THRB: variants seen among roughly 807,000 people sequenced by gnomAD.
THRB encodes nuclear receptor subfamily 1 group A member 2.
Under a neutral mutation model 47.8 loss-of-function variants are expected in THRB, and 12 were observed. That is an observed-to-expected ratio of 0.25 (90% confidence interval 0.16 to 0.41). The LOEUF (loss-of-function observed/expected upper bound fraction) is 0.41. THRB is among the 10% of genes least tolerant of loss of function. The pLI, the probability that THRB is intolerant of heterozygous loss-of-function variation, is 1.00. For missense variants in THRB, 348 were observed against 589.2 expected (o/e 0.59, Z 4.24); for synonymous variants, 218 against 212.2 (o/e 1.03, Z -0.24).
At chr3:24,355,211 C>T (rs1227396821) in intron 1 of THRB, among the ~76,000 whole-genome samples, 2 of 152,204 alleles carry the variant, frequency 1.3e-5, no homozygotes, top group East Asian at 1.9e-4. Context: ...TCCAAAGGCA[C>T]ATCACCTGAA....
intron 1 of THRB, among the ~76,000 whole-genome samples, chr3:24,384,483 A>G (rs188741472): frequency 6.6e-6 from 1 of 152,284 alleles, no homozygotes; most frequent in East Asian, 1.9e-4. Flanking sequence ...TTGGGGGTGG[A>G]GCAATGGTGA....
At chr3:24,489,930 C>G (rs112576640) in intron 1 of THRB, among the ~76,000 whole-genome samples, 1 of 152,126 alleles carries the variant, frequency 6.6e-6, no homozygotes, top group Non-Finnish European at 1.5e-5. Flanking sequence ...TTCAACTCCC[C>G]TACTACTTGG....
At chr3:24,235,933 CTG>C (rs1027486273) in intron 3 of THRB, among the ~76,000 whole-genome samples, 11 of 152,108 alleles carry the variant, frequency 7.2e-5, no homozygotes, top group Admixed American at 5.2e-4. Context: ...CTGGGTATGA[CTG>C]GAGTTCATGG....
chr3:24,269,599 A>ATTTT (rs10575669), intron 3 of THRB, among the ~76,000 whole-genome samples: 1 of 134,286 alleles, frequency 7.4e-6, no homozygotes. Flanking sequence ...ATAATTTTTA[A>ATTTT]TTTTTTTTTT....
intron 5 of THRB, among the ~76,000 whole-genome samples, chr3:24,169,358 G>A (rs916591167): frequency 2.6e-5 from 4 of 152,116 alleles, no homozygotes; most frequent in Non-Finnish European, 5.9e-5. Flanking sequence ...TCCCTGCAAT[G>A]ACTGGAGCCC....
At chr3:24,342,807 T>G (rs1333046978) in intron 1 of THRB, among the ~76,000 whole-genome samples, 1 of 151,998 alleles carries the variant, frequency 6.6e-6, no homozygotes, top group South Asian at 2.1e-4. Flanking sequence ...AGGGCCCAAC[T>G]AGGTGGAAAT....
intron 1 of THRB, among the ~76,000 whole-genome samples, chr3:24,493,147 T>TG (rs1316958704): frequency 2.0e-5 from 3 of 152,224 alleles, no homozygotes; most frequent in Admixed American, 6.5e-5. Flanking sequence ...GAAAACATCC[T>TG]AAAAACATCA....
rs114849292 is a variant in THRB, at chr3:24,469,440, T to A, written c.-261+25212A>T. 4.3e-3 allele frequency among the ~76,000 whole-genome samples: 648 copies of A among 152,316 alleles called. 6 individuals are homozygous for A. The highest frequency in any genetic ancestry group is 0.015 in the African/African-American group (622 of 41,568). On this transcript the variant is annotated intron_variant, in intron 1 of 10. Coordinates refer to ENST00000646209, the MANE Select transcript of THRB (RefSeq NM_001354712.2). ...GCCTTTAGCATCACCATTAGCCCTA[T>A]CCCTGACTGTGCAACTCCCCAACAA... is the stretch of plus-strand genomic sequence containing the variant.
At chr3:24,422,919 G>A (rs1467120245) in intron 1 of THRB, among the ~76,000 whole-genome samples, 7 of 151,882 alleles carry the variant, frequency 4.6e-5, no homozygotes, top group African/African-American at 1.7e-4. Context: ...AGAATGTGGA[G>A]GAAGTGATGT....
chr3:24,223,674 T>G (rs2047373185), intron 4 of THRB, among the ~76,000 whole-genome samples: 1 of 152,070 alleles, frequency 6.6e-6, no homozygotes, highest in Non-Finnish European at 1.5e-5. Flanking sequence ...AAGTATAAAA[T>G]TATTTCAAAG....
rs941003961 is a variant in THRB, at chr3:24,380,790, G to C, written c.-260-43419C>G. Among the ~76,000 whole-genome samples, 6 of 152,008 alleles carry C rather than the reference G, an allele frequency of 3.9e-5. No homozygotes were observed. In the East Asian group the frequency reaches 9.6e-4, roughly 24 times the overall value. Reference sequence around the variant, plus strand: ...CAGATAAGAAGACTGAATCCAAAAGGCTAAAAGATATTGCCAAGGTCACAC... The same window carrying C: ...CAGATAAGAAGACTGAATCCAAAAGCCTAAAAGATATTGCCAAGGTCACAC... On this transcript the variant is annotated intron_variant, in intron 1 of 10. Coordinates refer to ENST00000646209, the MANE Select transcript of THRB (RefSeq NM_001354712.2).
intron 5 of THRB, among the ~76,000 whole-genome samples, chr3:24,161,793 A>G (rs1310076968): frequency 1.3e-5 from 2 of 151,954 alleles, no homozygotes; most frequent in Non-Finnish European, 2.9e-5. Context: ...AACATATACA[A>G]TCAGAACCAA....
At chr3:24,230,925 A>G (rs1226551360) in intron 3 of THRB, among the ~76,000 whole-genome samples, 2 of 152,206 alleles carry the variant, frequency 1.3e-5, no homozygotes, top group African/African-American at 2.4e-5. Context: ...CACTGAGACC[A>G]TATCTCTCAG....
intron 4 of THRB, among the ~76,000 whole-genome samples, chr3:24,208,332 G>C (rs1398844840): frequency 6.6e-6 from 1 of 152,110 alleles, no homozygotes; most frequent in Admixed American, 6.6e-5. Context: ...TTTCTTCACA[G>C]AATTGGAAAA....
chr3:24,403,008 G>C (rs780880433), intron 1 of THRB, among the ~76,000 whole-genome samples: 7 of 151,838 alleles, frequency 4.6e-5, no homozygotes, highest in Non-Finnish European at 1.0e-4. Context: ...CTAAATATTC[G>C]TTAATCCAGG....
chr3:24,402,864 AG>A (rs1466212314), intron 1 of THRB, among the ~76,000 whole-genome samples: 3 of 152,048 alleles, frequency 2.0e-5, no homozygotes, highest in African/African-American at 7.2e-5. Flanking sequence ...AGACAGTACC[AG>A]GTTAGAACCA....
chr3:24,469,744 G>A lies in THRB; in HGVS notation c.-261+24908C>T, dbSNP rs574410568. 2.0e-5 allele frequency among the ~76,000 whole-genome samples: 3 copies of A among 152,338 alleles called. No homozygotes were observed. In the South Asian group the frequency reaches 6.2e-4, roughly 32 times the overall value. ...AACTTATTTAGAGAAAAGTGTTGAA[G>A]AGCAACAAACTATGAGCGCGTGGTA... On this transcript the variant is annotated intron_variant, in intron 1 of 10. Coordinates refer to ENST00000646209, the MANE Select transcript of THRB (RefSeq NM_001354712.2).
In THRB at chr3:24,481,229, G is replaced by GTTTTTTTTT. The variant is rs746323691; in HGVS notation, c.-261+13414_-261+13422dup. Among the ~76,000 whole-genome samples, 54 of 55,368 alleles carry GTTTTTTTTT rather than the reference G, an allele frequency of 9.8e-4. 5 individuals carry two copies. Among genetic ancestry groups the GTTTTTTTTT allele is most frequent in the African/African-American group, 3.1e-3 (41 of 13,076 alleles). The allele number at this position is 55,368 out of a possible 152,430, so 36.3% of individuals were successfully genotyped here. ...TATATGTGTGGATGCGTTTCTTTCT[G>GTTTTTTTTT]TTTTTTTTTTTTTTTTTTTTTTTTT... On this transcript the variant is annotated intron_variant, in intron 1 of 10. Transcript: ENST00000646209.
chr3:24,212,421 A>C (rs2046133301), intron 4 of THRB, among the ~76,000 whole-genome samples: 1 of 150,944 alleles, frequency 6.6e-6, no homozygotes, highest in Non-Finnish European at 1.5e-5. Context: ...AAAACAAAAA[A>C]CGAAACGAAA....
Sources: gnomAD v4.1 joint callset for allele counts (sites outside exome capture counted in the v4.1 genomes callset) on GRCh38, gnomAD v4.1.1 for gene constraint, MANE v1.5 for transcripts, NCBI Gene and HGNC (gene_info 2026-07-23, HGNC 2026-07-21) for gene names.